Variants in DYNC1I1 observed in about 807,000 individuals in gnomAD.
The protein encoded by DYNC1I1 is cytoplasmic dynein 1 intermediate chain 1.
In DYNC1I1, 43 loss-of-function variants were observed where a neutral mutation model predicts 86.6. The ratio of observed to expected loss-of-function variants is 0.50; its 90% confidence interval spans 0.39 to 0.64. The LOEUF (loss-of-function observed/expected upper bound fraction) is 0.64, where lower values mean the gene tolerates loss of function less well. DYNC1I1 is among the 30% of genes least tolerant of loss of function. The pLI, the probability that DYNC1I1 is intolerant of heterozygous loss-of-function variation, is 0.00. For synonymous variants in DYNC1I1, 262 were observed against 283.7 expected, an observed-to-expected ratio of 0.92 and a Z score of 0.77; for missense variants, 604 against 788.8, an observed-to-expected ratio of 0.77 and a Z score of 2.81.
At chr7:95,968,374 T>C (rs1793071978) in intron 6 of DYNC1I1, among the ~76,000 whole-genome samples, 1 of 152,176 alleles carries the variant, frequency 6.6e-6, no homozygotes, top group Non-Finnish European at 1.5e-5. Context: ...ACATTAATAG[T>C]CAGAGATGAT....
rs975089756 is a variant in DYNC1I1 at position 96,065,901 on chromosome 7, C to T, written c.1510-10156C>T. 4.6e-5 allele frequency among the ~76,000 whole-genome samples: 7 copies of T among 152,276 alleles called. No homozygotes were observed. In the South Asian group the frequency reaches 8.3e-4, roughly 18 times the overall value. On this transcript the variant is annotated intron_variant, in intron 14 of 16. Coordinates refer to ENST00000447467, the MANE Select transcript of DYNC1I1 (RefSeq NM_001135556.2). The stretch of plus-strand genomic sequence containing the variant: ...TATTTTCTACTCATTTAATGGTATT[C>T]GTCATTCAGTTGACTGCACTAGAAA...
chr7:96,034,093 C>T (rs950857575), intron 12 of DYNC1I1, among the ~76,000 whole-genome samples: 2 of 152,000 alleles, frequency 1.3e-5, no homozygotes, highest in Admixed American at 1.3e-4. Flanking sequence ...AAGAACCAAC[C>T]TCCTTTAAGC....
rs1233615076 is a variant in DYNC1I1 at position 96,076,187 on chromosome 7, A to G, written c.1640A>G (p.Asn547Ser). 5 of 1,613,824 alleles carry G rather than the reference A, an allele frequency of 3.1e-6. No homozygotes were observed. The highest frequency in any genetic ancestry group is 1.3e-5 in the African/African-American group (1 of 74,904). ...CGCTTGGACCTCTGGAACCTCAACA[A>G]TGACACCGAGGTGAGCGGCGGCTCA... ...MGRLDLWNLN[N>S]DTEVPTASVA... Residue 547 changes from asparagine (N) to serine (S), a missense_variant, in exon 15 of 17, where the codon AAT (asparagine) becomes AGT (serine). Coordinates refer to ENST00000447467, the MANE Select transcript of DYNC1I1 (RefSeq NM_001135556.2).
chr7:96,050,098 G>A (rs1334621469), intron 14 of DYNC1I1, among the ~76,000 whole-genome samples: 2 of 150,212 alleles, frequency 1.3e-5, no homozygotes, highest in South Asian at 2.1e-4. Context: ...CAAACAATTC[G>A]ACAACAAGAA....
At chr7:95,984,163 T>C (rs1409987308) in intron 7 of DYNC1I1, among the ~76,000 whole-genome samples, 1 of 152,190 alleles carries the variant, frequency 6.6e-6, no homozygotes, top group African/African-American at 2.4e-5. Context: ...ACCAGAAAAG[T>C]AAGGCAGAAA....
In DYNC1I1 at chr7:95,806,415, C is replaced by T. The variant is rs566021724; in HGVS notation, c.108+1578C>T. 2.6e-5 allele frequency among the ~76,000 whole-genome samples: 4 copies of T among 152,290 alleles called. No homozygotes were observed. The East Asian group carries it at 7.7e-4, about 29-fold the overall frequency. ...ATGGAAGCAGTCTCCCCTTTTGATT[C>T]TACAACCAAGCACTTTTGCCTGGTG... On this transcript the variant is annotated intron_variant, in intron 2 of 16. Transcript: ENST00000447467.
intron 16 of DYNC1I1, among the ~76,000 whole-genome samples, chr7:96,085,160 G>T (rs1029623454): frequency 2.6e-5 from 4 of 152,184 alleles, no homozygotes; most frequent in African/African-American, 4.8e-5. Context: ...TGCAGCTGCT[G>T]CAGGGAGCCC....
At chr7:96,018,775 A>C (rs319318) in intron 10 of DYNC1I1, among the ~76,000 whole-genome samples, 54,350 of 152,074 alleles carry the variant, frequency 0.36, 10,103 homozygotes, top group African/African-American at 0.45. Context: ...AGCAGAGGGA[A>C]ATATCATAAG....
At chr7:95,810,607 A>G (rs1794808485) in intron 3 of DYNC1I1, 101 bp downstream of exon 3, 6 of 990,808 alleles carry the variant, frequency 6.1e-6, no homozygotes, top group Admixed American at 3.6e-5. Context: ...GTTTTTTTTA[A>G]TTTTTATTTT....
intron 16 of DYNC1I1, among the ~76,000 whole-genome samples, chr7:96,087,835 T>C (rs567260832): frequency 3.9e-5 from 6 of 152,318 alleles, no homozygotes; most frequent in African/African-American, 1.2e-4. Context: ...CATGGGCAGA[T>C]TTGAGATGCT....
At chr7:96,030,189 A>G (rs1474553079) in intron 11 of DYNC1I1, among the ~76,000 whole-genome samples, 4 of 152,124 alleles carry the variant, frequency 2.6e-5, no homozygotes, top group African/African-American at 9.7e-5. Flanking sequence ...ACACATATGC[A>G]TTTGAGACAA....
intron 14 of DYNC1I1, among the ~76,000 whole-genome samples, chr7:96,072,071 C>T (rs1273712278): frequency 6.6e-6 from 1 of 152,138 alleles, no homozygotes; most frequent in Non-Finnish European, 1.5e-5. Flanking sequence ...CTGTAAATAC[C>T]GTCTACTTTA....
intron 6 of DYNC1I1, among the ~76,000 whole-genome samples, chr7:95,933,662 A>G (rs555883083): frequency 2.0e-5 from 3 of 152,214 alleles, no homozygotes; most frequent in South Asian, 4.2e-4. Flanking sequence ...TTTGAATCCA[A>G]ACCCTTGCAG....
intron 9 of DYNC1I1, among the ~76,000 whole-genome samples, chr7:95,995,249 A>AAAAAAAATAAAT (rs111533286): frequency 1.4e-5 from 2 of 143,058 alleles, no homozygotes; most frequent in African/African-American, 2.6e-5. Flanking sequence ...TCCATCTCAA[A>AAAAAAAATAAAT]AAATAAATAA....
At chr7:96,065,327 T>C (rs1789936469) in intron 14 of DYNC1I1, among the ~76,000 whole-genome samples, 1 of 151,768 alleles carries the variant, frequency 6.6e-6, no homozygotes, top group Non-Finnish European at 1.5e-5. Flanking sequence ...ATTTCCTCCA[T>C]AGTCCTCCTT....
intron 1 of DYNC1I1, among the ~76,000 whole-genome samples, chr7:95,796,769 T>G (rs895908648): frequency 1.3e-5 from 2 of 152,028 alleles, no homozygotes; most frequent in African/African-American, 2.4e-5. Flanking sequence ...AGAATTAGGT[T>G]AAGTCACAGT....
At chr7:95,944,983 C>T (rs1227106573) in intron 6 of DYNC1I1, among the ~76,000 whole-genome samples, 1 of 151,002 alleles carries the variant, frequency 6.6e-6, no homozygotes, top group Non-Finnish European at 1.5e-5. Flanking sequence ...TGTAACTAAC[C>T]TGCACATTGT....
Position 95,995,942 on chromosome 7 carries a change from A to G in DYNC1I1, c.844-6A>G. ...ATAATTCATCCTTGTGACCTCTTCC[A>G]TTTAGTACCCTGAGCTGATGGTGGC... On this transcript the variant is annotated splice_region_variant and splice_polypyrimidine_tract_variant and intron_variant, in intron 9 of 16. Coordinates refer to ENST00000447467, the MANE Select transcript of DYNC1I1 (RefSeq NM_001135556.2). 27 of 1,587,896 alleles carry G rather than the reference A, an allele frequency of 1.7e-5. No individual in the cohort carries two copies. Among genetic ancestry groups the G allele is most frequent in the Non-Finnish European group, 2.2e-5 (26 of 1,171,398 alleles).
At chr7:96,085,520 G>A (rs1790652355) in intron 16 of DYNC1I1, among the ~76,000 whole-genome samples, 1 of 152,128 alleles carries the variant, frequency 6.6e-6, no homozygotes, top group South Asian at 2.1e-4. Flanking sequence ...TTTGATTTCA[G>A]CATTATATCT....
Sources: gnomAD v4.1 joint callset for allele counts (sites outside exome capture counted in the v4.1 genomes callset) on GRCh38, gnomAD v4.1.1 for gene constraint, MANE v1.5 for transcripts, NCBI Gene and HGNC (gene_info 2026-07-23, HGNC 2026-07-21) for gene names.